Variants in OSBPL6 observed in about 807,000 individuals in gnomAD.
OSBPL6 encodes oxysterol-binding protein-related protein 6.
A neutral mutation model predicts 125.8 loss-of-function variants in OSBPL6; 49 were observed. The observed-to-expected ratio is 0.39, with a 90% CI of 0.31 to 0.49. OSBPL6 has a LOEUF of 0.49. Among genes scored for constraint, OSBPL6 ranks in the 20% least tolerant of loss-of-function variants. The pLI, the probability that OSBPL6 is intolerant of heterozygous loss-of-function variation, is 0.88. For synonymous variants in OSBPL6, 394 were observed against 391.8 expected, an observed-to-expected ratio of 1.01 and a Z score of -0.07; for missense variants, 986 against 1,135.4, an observed-to-expected ratio of 0.87 and a Z score of 1.89.
At chr2:178,375,300 C>A (rs1293085476) in intron 15 of OSBPL6, among the ~76,000 whole-genome samples, 1 of 152,176 alleles carries the variant, frequency 6.6e-6, no homozygotes, top group African/African-American at 2.4e-5. Flanking sequence ...TCTGCCTGCA[C>A]CCCCAGGGAC....
chr2:178,234,631 G>A (rs761852188), intron 1 of OSBPL6, among the ~76,000 whole-genome samples: 21 of 152,062 alleles, frequency 1.4e-4, no homozygotes, highest in South Asian at 4.2e-4. Context: ...TTTTCTCCCC[G>A]TCTGTAACTG....
intron 2 of OSBPL6, among the ~76,000 whole-genome samples, chr2:178,285,857 G>A (rs1283075355): frequency 2.6e-5 from 4 of 152,156 alleles, no homozygotes; most frequent in Non-Finnish European, 5.9e-5. Flanking sequence ...TTATTTGCCA[G>A]GGGCACAGGG....
Position 178,339,107 on chromosome 2 carries a change from C to T in OSBPL6, c.894+13C>T. The T allele has an allele frequency of 6.5e-7, 1 of 1,530,750 alleles. No individual in the cohort carries two copies. The highest frequency in any genetic ancestry group is 9.0e-7 in the Non-Finnish European group (1 of 1,107,188). 94.8% of individuals were successfully genotyped at this position (1,530,750 alleles called of 1,614,324 possible). On this transcript the variant is annotated intron_variant, in intron 10 of 24. Coordinates refer to ENST00000190611, the MANE Select transcript of OSBPL6 (RefSeq NM_032523.4). Reference sequence around the variant, plus strand: ...TACTGACATGCAGGTAAACATATTCCTGCTGCTGGTAAAAGGACTTAGGGT... The same window carrying T: ...TACTGACATGCAGGTAAACATATTCTTGCTGCTGGTAAAAGGACTTAGGGT...
intron 2 of OSBPL6, among the ~76,000 whole-genome samples, chr2:178,288,548 G>A (rs1192753368): frequency 6.6e-6 from 1 of 151,766 alleles, no homozygotes; most frequent in Non-Finnish European, 1.5e-5. Context: ...TCCAGTAAAA[G>A]TATGTATAAC....
rs1694642948 is a variant in OSBPL6, at chr2:178,383,186, C to A, written c.1784C>A (p.Pro595Gln). 2 of 1,614,036 alleles carry A rather than the reference C, an allele frequency of 1.2e-6. No homozygotes were observed. Among genetic ancestry groups the A allele is most frequent in the Admixed American group, 3.3e-5 (2 of 59,998 alleles). The change falls in exon 17 of 25, where the codon CCG (proline) becomes CAG (glutamine). Residue 595 changes from proline (P) to glutamine (Q), a missense_variant. Physicochemically the swap from Pro to Gln is moderately conservative, Grantham distance 76 (BLOSUM62 -1). Around this residue, in one of 3 missense-constraint regions of OSBPL6, gnomAD observed 843 missense variants for 997.3 expected, o/e 0.85. Coordinates refer to ENST00000190611, the MANE Select transcript of OSBPL6 (RefSeq NM_032523.4). ...TCTATGCCTGTGGAGCTAAACGAGC[C>A]GCTCAACACCCTGCAGCACCTCTGT... ...KVSMPVELNE[P>Q]LNTLQHLCEE...
chr2:178,216,023 G>A (rs2090081352), intron 1 of OSBPL6, among the ~76,000 whole-genome samples: 3 of 152,108 alleles, frequency 2.0e-5, no homozygotes, highest in Admixed American at 6.5e-5. Context: ...GTTTGAGGAA[G>A]GTCCTAACTT....
At chr2:178,241,884 G>C (rs935715953) in intron 1 of OSBPL6, among the ~76,000 whole-genome samples, 1 of 152,084 alleles carries the variant, frequency 6.6e-6, no homozygotes, top group African/African-American at 2.4e-5. Flanking sequence ...TTTATGTTTT[G>C]CTATTTTTGT....
intron 2 of OSBPL6, among the ~76,000 whole-genome samples, chr2:178,291,629 T>A (rs1454733717): frequency 1.3e-5 from 2 of 151,946 alleles, no homozygotes; most frequent in African/African-American, 4.8e-5. Context: ...CCGTGGAGAA[T>A]GTTAGTGTTC....
chr2:178,373,414 T>C (rs1693582816), intron 14 of OSBPL6, among the ~76,000 whole-genome samples: 2 of 152,254 alleles, frequency 1.3e-5, no homozygotes, highest in Admixed American at 6.5e-5. Flanking sequence ...TAAGGTTCAA[T>C]ATTCCAGTCA....
In OSBPL6 at chr2:178,306,231, C is replaced by T. The variant is rs1299396738; in HGVS notation, c.47C>T (p.Thr16Ile). 1.2e-6 allele frequency: 2 copies of T among 1,613,866 alleles called. No individual in the cohort carries two copies. The highest frequency in any genetic ancestry group is 1.7e-5 in the Admixed American group (1 of 60,010). ...KGISPAHKTS[T>I]PTHRSASSST... ...ATTTCCCCTGCTCATAAAACATCCA[C>T]TCCAACCCATAGAAGTGCCTCCTCT... Residue 16 changes from threonine to isoleucine, a missense_variant, in exon 3 of 25, where the codon ACT (threonine) becomes ATT (isoleucine). This residue lies in a region of OSBPL6 where 130 missense variants were observed against 106.4 expected (regional missense o/e 1.22). Transcript: ENST00000190611.
At chr2:178,253,482 G>C (rs918037828) in intron 1 of OSBPL6, among the ~76,000 whole-genome samples, 1 of 152,176 alleles carries the variant, frequency 6.6e-6, no homozygotes, top group Admixed American at 6.5e-5. Context: ...ATTAAATTTG[G>C]TATGGGTAAT....
At chr2:178,225,491 G>C (rs1292480506) in intron 1 of OSBPL6, among the ~76,000 whole-genome samples, 9 of 152,190 alleles carry the variant, frequency 5.9e-5, no homozygotes. Flanking sequence ...AGTTTGTTCA[G>C]ATGTTCTCTA....
intron 1 of OSBPL6, among the ~76,000 whole-genome samples, chr2:178,249,597 A>T (rs1290001427): frequency 2.6e-5 from 4 of 152,068 alleles, no homozygotes; most frequent in African/African-American, 9.7e-5. Flanking sequence ...TTTTCTGTCT[A>T]TTTGCTTTGC....
chr2:178,292,788 A>G (rs1361788341), intron 2 of OSBPL6, among the ~76,000 whole-genome samples: 1 of 152,146 alleles, frequency 6.6e-6, no homozygotes, highest in Non-Finnish European at 1.5e-5. Context: ...CACAGATAAT[A>G]TAAATACTGC....
intron 14 of OSBPL6, among the ~76,000 whole-genome samples, chr2:178,373,577 A>G (rs1693599906): frequency 6.6e-6 from 1 of 152,252 alleles, no homozygotes; most frequent in African/African-American, 2.4e-5. Flanking sequence ...TGACAGACCT[A>G]AGAATAAGAG....
chr2:178,350,867 C>T (rs1691192414), intron 12 of OSBPL6, among the ~76,000 whole-genome samples: 1 of 152,066 alleles, frequency 6.6e-6, no homozygotes, highest in African/African-American at 2.4e-5. Context: ...TGGAAGGCAG[C>T]CCCAGGAAAA....
chr2:178,262,457 C>A (rs560507887), intron 1 of OSBPL6, among the ~76,000 whole-genome samples: 1 of 152,250 alleles, frequency 6.6e-6, no homozygotes, highest in Non-Finnish European at 1.5e-5. Flanking sequence ...GTTAGCCAAA[C>A]TCCACTTCAT....
chr2:178,349,749 A>T lies in OSBPL6; in HGVS notation c.1153+360A>T, dbSNP rs150622413. 7.9e-4 allele frequency among the ~76,000 whole-genome samples: 121 copies of T among 152,332 alleles called. 1 individual carries two copies. The East Asian group carries it at 0.021, about 27-fold the overall frequency. On this transcript the variant is annotated intron_variant, in intron 12 of 24. Coordinates refer to ENST00000190611, the MANE Select transcript of OSBPL6 (RefSeq NM_032523.4). The stretch of plus-strand genomic sequence containing the variant: ...TTCTGTTTATTTCTTTTTTTATTAA[A>T]TAACACTCATGTATTGGACTTTACA...
In OSBPL6 at chr2:178,383,925, T is replaced by C. The variant is rs115160368; in HGVS notation, c.1876-114T>C. ...GTACAGACAATAGAAAATGCAACTG[T>C]CATCAAATCAACACCCATCCACATG... On this transcript the variant is annotated intron_variant, in intron 17 of 24. Transcript: ENST00000190611. 5.0e-6 allele frequency: 6 copies of C among 1,206,562 alleles called. No individual in the cohort carries two copies. The African/African-American group carries it at 9.1e-5, about 18-fold the overall frequency. The allele number at this position is 1,206,562 out of a possible 1,614,324, so 74.7% of individuals were successfully genotyped here.
Sources: allele counts gnomAD v4.1 joint callset (sites outside exome capture counted in the v4.1 genomes callset), GRCh38; gene constraint gnomAD v4.1.1; regional missense constraint gnomAD v4.1.1; transcripts MANE v1.5; gene names NCBI Gene and HGNC (gene_info 2026-07-23, HGNC 2026-07-21).